The following CCSER1 variants were observed in gnomAD, a reference collection of about 807,000 sequenced individuals.
The protein encoded by CCSER1 is serine-rich coiled-coil domain-containing protein 1.
Under a neutral mutation model 82.0 loss-of-function variants are expected in CCSER1, and 41 were observed. The observed-to-expected ratio is 0.50, with a 90% CI of 0.39 to 0.65. The LOEUF (loss-of-function observed/expected upper bound fraction) is 0.65, where lower values mean the gene tolerates loss of function less well. CCSER1 is among the 30% of genes least tolerant of loss of function. The pLI is 0.00. For missense variants in CCSER1, 1,119 were observed against 1,064.2 expected, an observed-to-expected ratio of 1.05 and a Z score of -0.72; for synonymous variants, 414 against 383.9, an observed-to-expected ratio of 1.08 and a Z score of -0.92.
intron 10 of CCSER1, among the ~76,000 whole-genome samples, chr4:91,593,298 A>AT (rs1444037079): frequency 6.6e-6 from 1 of 152,122 alleles, no homozygotes; most frequent in Admixed American, 6.6e-5. Flanking sequence ...ATTGAGTTAT[A>AT]TGCAATGTTG....
intron 10 of CCSER1, among the ~76,000 whole-genome samples, chr4:91,247,639 C>A (rs1453368134): frequency 1.3e-5 from 2 of 152,042 alleles, no homozygotes; most frequent in East Asian, 1.9e-4. Flanking sequence ...GAGGTTGAGG[C>A]CAGTGATCAC....
chr4:90,684,727 C>T (rs1734491899), intron 6 of CCSER1, among the ~76,000 whole-genome samples: 1 of 152,066 alleles, frequency 6.6e-6, no homozygotes, highest in South Asian at 2.1e-4. Context: ...GTGGGAAGGA[C>T]CTGGTGGGGG....
chr4:90,364,359 G>A (rs1379726980), intron 3 of CCSER1, among the ~76,000 whole-genome samples: 1 of 151,918 alleles, frequency 6.6e-6, no homozygotes, highest in Non-Finnish European at 1.5e-5. Flanking sequence ...TCTTTAAATA[G>A]AAAAATGTGG....
intron 10 of CCSER1, among the ~76,000 whole-genome samples, chr4:91,313,610 G>T (rs776781320): frequency 6.6e-6 from 1 of 151,876 alleles, no homozygotes; most frequent in Non-Finnish European, 1.5e-5. Flanking sequence ...CCATTAAAAC[G>T]TGGCAGTTGT....
intron 5 of CCSER1, among the ~76,000 whole-genome samples, chr4:90,605,083 T>C (rs1784507000): frequency 6.6e-6 from 1 of 152,192 alleles, no homozygotes; most frequent in Non-Finnish European, 1.5e-5. Context: ...TGAGCCGCCT[T>C]TATGAGCTGT....
chr4:90,540,181 A>C (rs1323016784), intron 5 of CCSER1, among the ~76,000 whole-genome samples: 1 of 152,154 alleles, frequency 6.6e-6, no homozygotes, highest in Admixed American at 6.6e-5. Flanking sequence ...GAAATATTCA[A>C]TGCAAACTAT....
chr4:91,348,284 T>C (rs906216429), intron 10 of CCSER1, among the ~76,000 whole-genome samples: 2 of 152,178 alleles, frequency 1.3e-5, no homozygotes, highest in Admixed American at 6.5e-5. Flanking sequence ...ATTATAGTAA[T>C]TGATTTTTGA....
rs1382761381 is a variant in CCSER1 at position 91,599,113 on chromosome 4, G to GC, written c.*57dup. On this transcript the variant is annotated 3_prime_UTR_variant, in exon 11 of 11. Transcript: ENST00000509176. ...GATAAAGATGGTTAGTGTTTCTCGTGCATAGTTCATATTAAAATTGTCATG... is the reference window on the plus strand; with the variant it reads ...GATAAAGATGGTTAGTGTTTCTCGTGCCATAGTTCATATTAAAATTGTCATG... 1 of 1,434,498 alleles carries GC rather than the reference G, an allele frequency of 7.0e-7. No homozygotes were observed. The highest frequency in any genetic ancestry group is 1.4e-5 in the African/African-American group (1 of 69,550). 88.9% of individuals were successfully genotyped at this position (1,434,498 alleles called of 1,614,324 possible).
intron 9 of CCSER1, among the ~76,000 whole-genome samples, chr4:90,932,396 G>A (rs1201602949): frequency 6.6e-6 from 1 of 152,100 alleles, no homozygotes; most frequent in East Asian, 1.9e-4. Flanking sequence ...GTAACTTTCT[G>A]AGAGAAAAGT....
At chr4:90,288,508 T>G (rs770911427) in intron 1 of CCSER1, among the ~76,000 whole-genome samples, 8 of 151,996 alleles carry the variant, frequency 5.3e-5, no homozygotes, top group Non-Finnish European at 1.2e-4. Context: ...GAGTAGATAC[T>G]CCTCCAGAAA....
At chr4:90,455,053 G>T (rs1232172033) in intron 4 of CCSER1, among the ~76,000 whole-genome samples, 1 of 152,118 alleles carries the variant, frequency 6.6e-6, no homozygotes, top group African/African-American at 2.4e-5. Flanking sequence ...CCCTGGGATT[G>T]CCCCTTGCAG....
At position 90,637,707 on chromosome 4, in the gene CCSER1, CAT is replaced by C. The variant is rs1448103453; in HGVS notation, c.1932+9476_1932+9477del. Among the ~76,000 whole-genome samples, 7 of 152,232 alleles carry C rather than the reference CAT, an allele frequency of 4.6e-5. No homozygotes were observed. In the South Asian group the frequency reaches 1.5e-3, roughly 32 times the overall value. On this transcript the variant is annotated intron_variant, in intron 6 of 10. Transcript: ENST00000509176. ...CCATTTTAACCTGTAAACTAATACA[CAT>C]GTTAGTAGTTTTTTGGTTAGGATTC... is the stretch of plus-strand genomic sequence containing the variant.
At chr4:90,774,714 C>T (rs1388271472) in intron 7 of CCSER1, among the ~76,000 whole-genome samples, 2 of 152,046 alleles carry the variant, frequency 1.3e-5, no homozygotes, top group African/African-American at 4.8e-5. Flanking sequence ...ATAATATCAA[C>T]TCTGATTACT....
At chr4:90,874,987 A>G (rs1413073639) in intron 8 of CCSER1, among the ~76,000 whole-genome samples, 1 of 151,978 alleles carries the variant, frequency 6.6e-6, no homozygotes, top group Non-Finnish European at 1.5e-5. Context: ...CGGAGGTTGC[A>G]GTGAGCTGAG....
intron 8 of CCSER1, among the ~76,000 whole-genome samples, chr4:90,900,285 T>G (rs1724442506): frequency 6.6e-6 from 1 of 151,924 alleles, no homozygotes; most frequent in East Asian, 1.9e-4. Flanking sequence ...TGAGAACGTA[T>G]TGTATTTCTG....
intron 10 of CCSER1, among the ~76,000 whole-genome samples, chr4:91,223,904 G>T (rs1370322833): frequency 1.3e-5 from 2 of 152,038 alleles, no homozygotes; most frequent in Admixed American, 6.6e-5. Flanking sequence ...CTTTGTCTAT[G>T]CAATGAAGTT....
chr4:91,031,700 T>G (rs930566467), intron 9 of CCSER1, among the ~76,000 whole-genome samples: 1 of 152,132 alleles, frequency 6.6e-6, no homozygotes, highest in African/African-American at 2.4e-5. Flanking sequence ...AATTACCTGG[T>G]TTTCTGAGAA....
At chr4:90,407,289 C>A (rs776772879) in intron 4 of CCSER1, among the ~76,000 whole-genome samples, 1 of 152,100 alleles carries the variant, frequency 6.6e-6, no homozygotes, top group South Asian at 2.1e-4. Flanking sequence ...ATATGACCCT[C>A]GTAGATTAAA....
At chr4:90,551,706 C>CTCTCTCTATATATATATA in intron 5 of CCSER1, among the ~76,000 whole-genome samples, 42 of 104,228 alleles carry the variant, frequency 4.0e-4, no homozygotes, top group East Asian at 1.4e-3. Context: ...CTCTCTCTCT[C>CTCTCTCTATATATATATA]TATATATATA....
Sources: allele counts gnomAD v4.1 joint callset (sites outside exome capture counted in the v4.1 genomes callset), GRCh38; gene constraint gnomAD v4.1.1; transcripts MANE v1.5; gene names NCBI Gene and HGNC (gene_info 2026-07-23, HGNC 2026-07-21).